Variants in SPAG1 observed in about 807,000 individuals in gnomAD.
SPAG1 encodes the protein sperm-associated antigen 1.
SPAG1 carries 69 observed loss-of-function variants against 100.5 expected under a neutral mutation model. The ratio of observed to expected loss-of-function variants is 0.69; its 90% CI spans 0.57 to 0.84. The LOEUF is 0.84. SPAG1 is among the 40% of genes least tolerant of loss of function. SPAG1 has a pLI of 0.00. For synonymous variants in SPAG1, 336 were observed against 411.6 expected, an observed-to-expected ratio of 0.82 and a Z score of 2.22; for missense variants, 955 against 1,133.1, an observed-to-expected ratio of 0.84 and a Z score of 2.26.
intron 13 of SPAG1, among the ~76,000 whole-genome samples, chr8:100,220,846 G>T (rs1818240117): frequency 6.6e-6 from 1 of 152,206 alleles, no homozygotes; most frequent in Non-Finnish European, 1.5e-5. Context: ...GCCAAGGCGG[G>T]TGGATCACTT....
chr8:100,165,558 C>T, intron 2 of SPAG1: 1 of 403,996 alleles, frequency 2.5e-6, no homozygotes, highest in Non-Finnish European at 4.5e-6. Flanking sequence ...GACCACACCG[C>T]CCCACTCACC....
At chr8:100,196,926 CT>C in intron 10 of SPAG1, among the ~76,000 whole-genome samples, 1 of 151,574 alleles carries the variant, frequency 6.6e-6, no homozygotes, top group East Asian at 1.9e-4. Flanking sequence ...TTCTCTTTTT[CT>C]TTTCTTCTTT....
Position 100,225,167 on chromosome 8 carries a change from C to T in SPAG1, c.1689-6C>T. 1.9e-6 allele frequency: 3 copies of T among 1,606,870 alleles called. No individual in the cohort carries two copies. The South Asian group carries it at 3.3e-5, about 18-fold the overall frequency. The stretch of plus-strand genomic sequence containing the variant: ...GATCAACAGAGAAAATTCACTTTCT[C>T]TTTAGGCTATCAAGAATTTTAATGG... On this transcript the variant is annotated splice_polypyrimidine_tract_variant and splice_region_variant and intron_variant, in intron 13 of 18. Coordinates refer to ENST00000388798, the MANE Select transcript of SPAG1 (RefSeq NM_003114.5).
chr8:100,239,008 C>T lies in SPAG1; in HGVS notation c.2116-232C>T, dbSNP rs570930923. Among the ~76,000 whole-genome samples the T allele has an allele frequency of 2.0e-5, 3 of 152,266 alleles. No individual in the cohort carries two copies. The highest frequency in any genetic ancestry group is 7.2e-5 in the African/African-American group (3 of 41,550). On this transcript the variant is annotated intron_variant, in intron 16 of 18. Transcript: ENST00000388798. The surrounding 1 kb of genome is among the most constrained non-coding windows in gnomAD (Gnocchi z 5.0). ...TTGTGGTGATACAGAATTTAACTTGCGTTTTCTAACTCCAGATCCTGTGCT... is the reference window on the plus strand; with the variant it reads ...TTGTGGTGATACAGAATTTAACTTGTGTTTTCTAACTCCAGATCCTGTGCT...
rs762977014 is a variant in SPAG1, at chr8:100,177,806, C to G, written c.301-10C>G. ...TCAAACTATATATTTACCCTTTTCT[C>G]TATTCTCAGAGTTGGGTATCAGAAA... On this transcript the variant is annotated splice_polypyrimidine_tract_variant and intron_variant, in intron 3 of 18. Transcript: ENST00000388798. 7.0e-7 allele frequency: 1 copy of G among 1,436,710 alleles called. No individual in the cohort carries two copies. Among genetic ancestry groups the G allele is most frequent in the Non-Finnish European group, 9.7e-7 (1 of 1,028,242 alleles). The allele number at this position is 1,436,710 out of a possible 1,614,324, so 89.0% of individuals were successfully genotyped here.
intron 10 of SPAG1, among the ~76,000 whole-genome samples, chr8:100,197,941 G>C (rs1288597148): frequency 2.6e-5 from 4 of 152,130 alleles, no homozygotes; most frequent in Admixed American, 2.6e-4. Context: ...ATTACACCTG[G>C]GGATTTGAGT....
In SPAG1 at chr8:100,170,845, A is replaced by ATTTATTTT. The variant is rs1554649519; in HGVS notation, c.300+4875_300+4882dup. 6.3e-3 allele frequency among the ~76,000 whole-genome samples: 829 copies of ATTTATTTT among 131,344 alleles called. 12 individuals carry two copies. The highest frequency in any genetic ancestry group is 0.024 in the African/African-American group (759 of 31,566). 86.2% of individuals were successfully genotyped at this position (131,344 alleles called of 152,430 possible). On this transcript the variant is annotated intron_variant, in intron 3 of 18. Transcript: ENST00000388798. ...TATTTATTTATTTATTTATTTATTT[A>ATTTATTTT]TTTATTTTTTACTTGCTTTATTGAA...
rs1179789423 is a variant in SPAG1 at position 100,225,314 on chromosome 8, C to T, written c.1830C>T (p.Ser610=). ...TCTCAAAACAAGCAGGAGACTCCAG[C>T]AGCCATCGCCAGCAGGGCATCACAG... ...EMISKQAGDS[S]SHRQQGITDE... The change falls in exon 14 of 19, where the codon AGC becomes AGT. Residue 610 remains serine, a synonymous_variant. Transcript: ENST00000388798. 1.2e-6 allele frequency: 2 copies of T among 1,613,710 alleles called. No individual in the cohort carries two copies. The highest frequency in any genetic ancestry group is 1.7e-5 in the Admixed American group (1 of 60,012).
At chr8:100,193,945 GTT>G (rs528245973) in intron 9 of SPAG1, among the ~76,000 whole-genome samples, 165 bp from the exon 10 acceptor site, 7 of 149,346 alleles carry the variant, frequency 4.7e-5, no homozygotes, top group Admixed American at 1.3e-4. Flanking sequence ...GTGTGTGTGT[GTT>G]TTTTTTTTAC....
At chr8:100,192,520 G>A (rs1816857973) in intron 9 of SPAG1, among the ~76,000 whole-genome samples, 2 of 152,178 alleles carry the variant, frequency 1.3e-5, no homozygotes, top group Admixed American at 6.5e-5. Flanking sequence ...CCAGAAAGAA[G>A]GTGGTTTAGT....
At chr8:100,234,315 C>A (rs1355916051) in intron 16 of SPAG1, among the ~76,000 whole-genome samples, 1 of 151,996 alleles carries the variant, frequency 6.6e-6, no homozygotes, top group Non-Finnish European at 1.5e-5. Flanking sequence ...TAGCCAATAT[C>A]CCAATCGAGA....
chr8:100,181,055 T>G (rs528650653), intron 4 of SPAG1, among the ~76,000 whole-genome samples: 1 of 152,326 alleles, frequency 6.6e-6, no homozygotes, highest in Admixed American at 6.5e-5. Context: ...ATATGCAGTG[T>G]TATGAGAATA....
intron 10 of SPAG1, among the ~76,000 whole-genome samples, chr8:100,197,575 G>A (rs116667299): frequency 1.2e-3 from 185 of 152,298 alleles, no homozygotes; most frequent in African/African-American, 4.4e-3. Flanking sequence ...GGAAAATCAT[G>A]TTAAAGCCCA....
chr8:100,241,082 T>C lies in SPAG1; in HGVS notation c.*60T>C, dbSNP rs1172191995. 1 of 1,565,686 alleles carries C rather than the reference T, an allele frequency of 6.4e-7. No individual in the cohort carries two copies. The highest frequency in any genetic ancestry group is 2.3e-5 in the East Asian group (1 of 44,200). On this transcript the variant is annotated 3_prime_UTR_variant, in exon 19 of 19. Coordinates refer to ENST00000388798, the MANE Select transcript of SPAG1 (RefSeq NM_003114.5). The surrounding 1 kb of genome is among the most constrained non-coding windows in gnomAD (Gnocchi z 5.1). ...ATGTGTTCCAGGAATGTTAATGAGA[T>C]GGTATTGTAAAAGAGTTGCATGGAT...
At chr8:100,236,977 C>T (rs1387613145) in intron 16 of SPAG1, among the ~76,000 whole-genome samples, 3 of 152,180 alleles carry the variant, frequency 2.0e-5, no homozygotes, top group Non-Finnish European at 4.4e-5. Flanking sequence ...ATCACAAACA[C>T]GTGATTATAA....
At chr8:100,158,805 G>T (rs1220014474) in intron 1 of SPAG1, 189 bp downstream of exon 1, 1 of 151,930 alleles carries the variant, frequency 6.6e-6, no homozygotes, top group African/African-American at 2.4e-5. Context: ...TCTTGAGAAG[G>T]TGTATCCTAC....
At chr8:100,203,772 T>C (rs2132320126) in intron 10 of SPAG1, among the ~76,000 whole-genome samples, 1 of 152,290 alleles carries the variant, frequency 6.6e-6, no homozygotes, top group South Asian at 2.1e-4. Flanking sequence ...ATACTGAGCC[T>C]CAAATCTGCC....
chr8:100,206,036 AAAAAAAAAAAAAAAAAAAAG>A (rs1563795252), intron 10 of SPAG1, among the ~76,000 whole-genome samples: 1 of 56,196 alleles, frequency 1.8e-5, no homozygotes. Context: ...AAAAAAAAAA[AAAAAAAAAAAAAAAAAAAAG>A]AAAGATGCAG....
chr8:100,187,160 C>T lies in SPAG1; in HGVS notation c.742C>T (p.Arg248Ter), dbSNP rs770777381. ...TCCCACTGTAGTTGCCTATAACAAT[C>T]GAGCTCAAGCAGAAATCAAATTACA... ...ALPTVVAYNN[R>*]AQAEIKLQNW... is the part of the protein sequence containing the mutation. The change falls in exon 8 of 19, where the codon CGA becomes TGA. Residue 248 changes from arginine to a stop codon, truncating the protein, a stop_gained. Transcript: ENST00000388798. LOFTEE classifies it high-confidence loss of function. The T allele has an allele frequency of 9.9e-6, 16 of 1,612,422 alleles. No homozygotes were observed. The African/African-American group carries it at 1.5e-4, about 15-fold the overall frequency.
Sources: allele counts gnomAD v4.1 joint callset (sites outside exome capture counted in the v4.1 genomes callset), GRCh38; gene constraint gnomAD v4.1.1; non-coding constraint Gnocchi (gnomAD v3.1); transcripts MANE v1.5; gene names NCBI Gene and HGNC (gene_info 2026-07-23, HGNC 2026-07-21).